FRYL: variants seen among roughly 807,000 people sequenced by gnomAD.
FRYL encodes FRY like transcription coactivator, also known as protein furry homolog-like.
Under a neutral mutation model 351.2 loss-of-function variants are expected in FRYL, and 150 were observed. The observed-to-expected ratio is 0.43, with a 90% confidence interval of 0.37 to 0.49. The LOEUF is 0.49. Ranked by LOEUF, FRYL falls within the 20% of genes least tolerant of loss-of-function variation. The pLI, the probability that FRYL is intolerant of heterozygous loss-of-function variation, is 0.00. For missense variants in FRYL, 3,036 were observed against 3,619.3 expected (o/e 0.84, Z 4.13); for synonymous variants, 1,153 against 1,257.1 (o/e 0.92, Z 1.75).
intron 1 of FRYL, among the ~76,000 whole-genome samples, chr4:48,764,934 T>C (rs1382367751): frequency 1.3e-5 from 2 of 152,224 alleles, no homozygotes; most frequent in East Asian, 3.9e-4. Context: ...AACCTCCACC[T>C]CCCAGGTTCA....
chr4:48,726,631 G>A (rs531606308), intron 1 of FRYL, among the ~76,000 whole-genome samples: 6 of 152,246 alleles, frequency 3.9e-5, no homozygotes, highest in South Asian at 2.1e-4. Context: ...GCAGTGAGCC[G>A]AGATCATGCC....
chr4:48,632,087 AAAAAATATATATATATAT>A (rs1753154350), intron 4 of FRYL, among the ~76,000 whole-genome samples: 1 of 21,508 alleles, frequency 4.6e-5, no homozygotes, highest in Non-Finnish European at 1.1e-4. Flanking sequence ...AAAAAAAAAA[AAAAAATATATATATATAT>A]ATATATATAT....
intron 2 of FRYL, among the ~76,000 whole-genome samples, chr4:48,698,158 A>T (rs776299771): frequency 1.3e-5 from 2 of 152,218 alleles, no homozygotes; most frequent in Non-Finnish European, 2.9e-5. Flanking sequence ...TTCAAGCTGC[A>T]ACCAGGTACA....
intron 3 of FRYL, among the ~76,000 whole-genome samples, chr4:48,658,450 T>C (rs1264811258): frequency 6.6e-6 from 1 of 151,912 alleles, no homozygotes; most frequent in African/African-American, 2.4e-5. Context: ...TGAAAGGTTT[T>C]AGGTAGGCTG....
intron 2 of FRYL, among the ~76,000 whole-genome samples, chr4:48,706,945 C>G (rs1224184865): frequency 2.6e-5 from 4 of 152,140 alleles, no homozygotes; most frequent in Non-Finnish European, 5.9e-5. Flanking sequence ...GGGATGATTG[C>G]AGCCCCAGAA....
intron 3 of FRYL, among the ~76,000 whole-genome samples, chr4:48,653,224 T>G (rs1049124874): frequency 2.0e-5 from 3 of 152,174 alleles, no homozygotes; most frequent in African/African-American, 7.2e-5. Flanking sequence ...TTACTACATA[T>G]GAAAATTACA....
intron 2 of FRYL, among the ~76,000 whole-genome samples, chr4:48,709,806 C>T (rs1767804097): frequency 6.6e-6 from 1 of 152,222 alleles, no homozygotes; most frequent in Admixed American, 6.5e-5. Context: ...TTCACTCTAT[C>T]TGCCTTTCAT....
At chr4:48,671,865 A>AAG (rs1762776785) in intron 3 of FRYL, among the ~76,000 whole-genome samples, 1 of 126,386 alleles carries the variant, frequency 7.9e-6, no homozygotes, top group East Asian at 2.2e-4. Context: ...AAACAAAAAA[A>AAG]AAAAAAACAA....
intron 3 of FRYL, among the ~76,000 whole-genome samples, chr4:48,641,711 T>A (rs2149395430): frequency 6.6e-6 from 1 of 152,306 alleles, no homozygotes; most frequent in Non-Finnish European, 1.5e-5. Flanking sequence ...AACTTTCCCA[T>A]CAATAACTTT....
rs969650502 is a variant in FRYL at position 48,772,269 on chromosome 4, C to T, written c.-384+7809G>A. Among the ~76,000 whole-genome samples the T allele has an allele frequency of 3.3e-5, 5 of 152,172 alleles. 1 individual carries two copies. The South Asian group carries it at 6.2e-4, about 19-fold the overall frequency. ...TTGTCTTTTTAAGATTATTTTGAAC[C>T]TCTATTTTTGATAGTAATTCACTTG... On this transcript the variant is annotated intron_variant, in intron 1 of 63. Coordinates refer to ENST00000358350, the MANE Select transcript of FRYL (RefSeq NM_015030.2).
rs377662760 is a variant in FRYL at position 48,590,646 on chromosome 4, C to A, written c.1507+13G>T. 42 of 1,546,688 alleles carry A rather than the reference C, an allele frequency of 2.7e-5. No individual in the cohort carries two copies. The highest frequency in any genetic ancestry group is 3.7e-5 in the Non-Finnish European group (42 of 1,131,236). ...TGTATTACAAAGCAACATTTAATTT[C>A]AATTAAACTAACCTATGACTTTTGC... is the stretch of plus-strand genomic sequence containing the variant. On this transcript the variant is annotated intron_variant, in intron 17 of 63. Transcript: ENST00000358350.
rs746459046 is a variant in FRYL at position 48,499,260 on chromosome 4, T to C, written c.*162A>G. On this transcript the variant is annotated 3_prime_UTR_variant, in exon 64 of 64. Transcript: ENST00000358350. ...GCTGTTAAAATATCAGATGTTTTTTTCTTTCAGATCTTTGTTTTTGATGAT... is the reference window on the plus strand; with the variant it reads ...GCTGTTAAAATATCAGATGTTTTTTCCTTTCAGATCTTTGTTTTTGATGAT... The C allele has an allele frequency of 1.1e-5, 7 of 622,328 alleles. No individual in the cohort carries two copies. The highest frequency in any genetic ancestry group is 2.0e-5 in the Non-Finnish European group (7 of 358,394). 38.6% of individuals were successfully genotyped at this position (622,328 alleles called of 1,614,324 possible).
chr4:48,632,171 T>C (rs1288018271), intron 4 of FRYL, among the ~76,000 whole-genome samples: 2 of 134,718 alleles, frequency 1.5e-5, no homozygotes, highest in African/African-American at 5.6e-5. Context: ...TATATAAAAA[T>C]TGAGAACTGG....
At chr4:48,696,402 T>C (rs934347241) in intron 2 of FRYL, among the ~76,000 whole-genome samples, 4 of 152,002 alleles carry the variant, frequency 2.6e-5, no homozygotes, top group African/African-American at 9.7e-5. Context: ...CTAGAAGCCA[T>C]CATCCTCAAC....
At chr4:48,632,055 C>CAAAAAAAAAAAAAAA (rs71660455) in intron 4 of FRYL, among the ~76,000 whole-genome samples, 1 of 22,596 alleles carries the variant, frequency 4.4e-5, no homozygotes, top group Admixed American at 8.9e-4. Context: ...CCTGTCTCTC[C>CAAAAAAAAAAAAAAA]AAAAAAAAAA....
intron 1 of FRYL, among the ~76,000 whole-genome samples, chr4:48,716,871 C>G (rs973427870): frequency 7.3e-5 from 11 of 151,052 alleles, no homozygotes; most frequent in African/African-American, 2.7e-4. Context: ...TGGAACCAAC[C>G]CAAATGTCCA....
At chr4:48,670,928 G>T (rs1762551518) in intron 3 of FRYL, among the ~76,000 whole-genome samples, 1 of 152,150 alleles carries the variant, frequency 6.6e-6, no homozygotes, top group African/African-American at 2.4e-5. Context: ...ATATCTCTTT[G>T]ATATACTGAT....
At position 48,710,646 on chromosome 4, in the gene FRYL, A is replaced by G. The variant is rs578123789; in HGVS notation, c.-331T>C. The G allele has an allele frequency of 5.3e-5, 21 of 398,566 alleles. No individual in the cohort carries two copies. The South Asian group carries it at 2.7e-3, about 51-fold the overall frequency. 24.7% of individuals were successfully genotyped at this position (398,566 alleles called of 1,614,324 possible). On this transcript the variant is annotated 5_prime_UTR_variant, in exon 2 of 64. Transcript: ENST00000358350. ...GCACTCGAGTGGGCACACTGGTACA[A>G]AGCAGTAGTGAGTGAGTCACCGTGT...
At chr4:48,671,488 T>A (rs1253891688) in intron 3 of FRYL, among the ~76,000 whole-genome samples, 1 of 151,800 alleles carries the variant, frequency 6.6e-6, no homozygotes, top group Non-Finnish European at 1.5e-5. Context: ...GCCAACACGG[T>A]GAAACCCCAT....
Sources: allele counts gnomAD v4.1 joint callset (sites outside exome capture counted in the v4.1 genomes callset), GRCh38; gene constraint gnomAD v4.1.1; transcripts MANE v1.5; gene names NCBI Gene and HGNC (gene_info 2026-07-23, HGNC 2026-07-21).